The following RGS9 variants were observed in gnomAD, a reference collection of about 807,000 sequenced individuals.
RGS9 encodes regulator of G-protein signalling 9.
Under a neutral mutation model 102.0 loss-of-function variants are expected in RGS9, and 78 were observed. That is an observed-to-expected ratio of 0.76 (90% confidence interval 0.64 to 0.92). The LOEUF (loss-of-function observed/expected upper bound fraction) is 0.92, where lower values mean the gene tolerates loss of function less well. RGS9 is among the 40% of genes least tolerant of loss of function. The pLI, the probability that RGS9 is intolerant of heterozygous loss-of-function variation, is 0.00. For missense variants in RGS9, 833 were observed against 866.1 expected (o/e 0.96, Z 0.48); for synonymous variants, 353 against 318.6 (o/e 1.11, Z -1.15).
chr17:65,146,363 G>A (rs990164489), intron 1 of RGS9, among the ~76,000 whole-genome samples: 1 of 152,094 alleles, frequency 6.6e-6, no homozygotes, highest in Non-Finnish European at 1.5e-5. Flanking sequence ...GCCAAGGTGG[G>A]CGGATCACGA....
intron 16 of RGS9, among the ~76,000 whole-genome samples, chr17:65,209,458 G>C (rs988352583): frequency 2.0e-5 from 3 of 152,186 alleles, no homozygotes; most frequent in African/African-American, 7.2e-5. Context: ...GCAGGTCTTT[G>C]TCTCTTATTG....
chr17:65,211,207 G>A lies in RGS9; in HGVS notation c.1407+602G>A, dbSNP rs541371993. On this transcript the variant is annotated intron_variant, in intron 17 of 18. Coordinates refer to ENST00000262406, the MANE Select transcript of RGS9 (RefSeq NM_003835.4). ...TTCCAAATCATTCTGAGGATCCGCC[G>A]AGGGGCTAGTTGCAGGGAAGTACTT... Among the ~76,000 whole-genome samples the A allele has an allele frequency of 4.6e-5, 7 of 152,312 alleles. No individual in the cohort carries two copies. In the South Asian group the frequency reaches 1.2e-3, roughly 27 times the overall value.
intron 1 of RGS9, 111 bp from the exon 2 acceptor site, chr17:65,153,310 AC>A: frequency 2.2e-6 from 2 of 892,018 alleles, no homozygotes; most frequent in Non-Finnish European, 3.8e-6. Flanking sequence ...CAGATGGGGA[AC>A]CCCTGTGTCC....
chr17:65,138,224 G>A (rs1909987346), intron 1 of RGS9, among the ~76,000 whole-genome samples: 1 of 152,208 alleles, frequency 6.6e-6, no homozygotes, highest in African/African-American at 2.4e-5. Flanking sequence ...CACCTGTGGG[G>A]TGATGTGTTT....
At position 65,207,921 on chromosome 17, in the gene RGS9, G is replaced by A. The variant is rs776501006; in HGVS notation, c.1204-1G>A. The A allele has an allele frequency of 7.3e-5, 118 of 1,607,684 alleles. No individual in the cohort carries two copies. The highest frequency in any genetic ancestry group is 9.5e-5 in the Non-Finnish European group (112 of 1,174,784). On this transcript the variant is annotated splice_acceptor_variant, in intron 15 of 18. Coordinates refer to ENST00000262406, the MANE Select transcript of RGS9 (RefSeq NM_003835.4). LOFTEE classifies it high-confidence loss of function. ...TACTGTTGTTTTCTTGTTCCCACTA[G>A]GATTCTTATGCTCGCTATTTAAAAT...
At chr17:65,160,207 A>G (rs757132319) in intron 3 of RGS9, 26 bp from the exon 4 acceptor site, 18 of 1,559,626 alleles carry the variant, frequency 1.2e-5, no homozygotes, top group Non-Finnish European at 1.6e-5. Flanking sequence ...TGCTCTTAAC[A>G]TCCATGTCTG....
intron 7 of RGS9, among the ~76,000 whole-genome samples, chr17:65,165,544 C>A (rs1911144022): frequency 1.3e-5 from 2 of 152,170 alleles, no homozygotes; most frequent in South Asian, 4.1e-4. Context: ...TACTCAAGAT[C>A]TCATGTTGCT....
chr17:65,188,727 C>T, intron 9 of RGS9: 1 of 164,196 alleles, frequency 6.1e-6, no homozygotes, highest in Non-Finnish European at 1.3e-5. Context: ...ACCCTCTCAC[C>T]TCAGCCTCCC....
chr17:65,184,821 CTCT>C (rs146402932), intron 9 of RGS9, among the ~76,000 whole-genome samples: 43,571 of 146,918 alleles, frequency 0.3, 9,967 homozygotes, highest in African/African-American at 0.65. Context: ...TTTCCTCTCT[CTCT>C]CCTTCCTTCC....
chr17:65,225,501 G>A lies in RGS9; in HGVS notation c.1892+15G>A. 1 of 1,599,940 alleles carries A rather than the reference G, an allele frequency of 6.3e-7. No individual in the cohort carries two copies. Among genetic ancestry groups the A allele is most frequent in the Non-Finnish European group, 8.5e-7 (1 of 1,179,876 alleles). On this transcript the variant is annotated intron_variant, in intron 18 of 18. Coordinates refer to ENST00000262406, the MANE Select transcript of RGS9 (RefSeq NM_003835.4). Reference sequence around the variant, plus strand: ...AGAGTAGCAAAGTAAGAACCCGAAGGGGACGTGCCGTATGCATGGGTGGCT... The same window carrying A: ...AGAGTAGCAAAGTAAGAACCCGAAGAGGACGTGCCGTATGCATGGGTGGCT...
At chr17:65,164,773 T>C (rs1911114840) in intron 7 of RGS9, among the ~76,000 whole-genome samples, 1 of 152,148 alleles carries the variant, frequency 6.6e-6, no homozygotes. Context: ...CTGGGTACAT[T>C]TGAGGCGAAA....
rs940294216 is a variant in RGS9 at position 65,227,545 on chromosome 17, G to A, written c.*138G>A. On this transcript the variant is annotated 3_prime_UTR_variant, in exon 19 of 19. Coordinates refer to ENST00000262406, the MANE Select transcript of RGS9 (RefSeq NM_003835.4). Reference sequence around the variant, plus strand: ...TTTGAAGATTGGGGAGACAAGATGGGGTAGATTGTGGCAAAGAATGCTCTG... The same window carrying A: ...TTTGAAGATTGGGGAGACAAGATGGAGTAGATTGTGGCAAAGAATGCTCTG... 2 of 1,199,956 alleles carry A rather than the reference G, an allele frequency of 1.7e-6. No homozygotes were observed. Among genetic ancestry groups the A allele is most frequent in the African/African-American group, 1.5e-5 (1 of 66,214 alleles). The allele number at this position is 1,199,956 out of a possible 1,614,324, so 74.3% of individuals were successfully genotyped here. A position where few individuals can be genotyped will look rare whatever the true frequency, so the allele number is the denominator to read the frequency against.
intron 1 of RGS9, among the ~76,000 whole-genome samples, chr17:65,149,386 C>T (rs1910495192): frequency 6.6e-6 from 1 of 152,206 alleles, no homozygotes; most frequent in Admixed American, 6.5e-5. Flanking sequence ...TGAACTTTCT[C>T]TGCATTCAGA....
At chr17:65,171,242 T>A (rs1447408301) in intron 8 of RGS9, among the ~76,000 whole-genome samples, 1 of 152,186 alleles carries the variant, frequency 6.6e-6, no homozygotes, top group East Asian at 1.9e-4. Context: ...AGGGGTTAGG[T>A]GCTGGGTGTG....
rs116395890 is a variant in RGS9, at chr17:65,225,018, C to T, written c.1424C>T (p.Ala475Val). The T allele has an allele frequency of 8.4e-4, 1,358 of 1,613,974 alleles. 11 individuals carry two copies. The African/African-American group carries it at 0.016, about 20-fold the overall frequency. Residue 475 changes from alanine (A) to valine (V), a missense_variant, in exon 18 of 19, where the codon GCT becomes GTT. Transcript: ENST00000262406. ...TCTCTACAGCCGGGCCAGCACATGGCTCCCAGCCCCCATCTGACCGTGTAC... is the reference window on the plus strand; with the variant it reads ...TCTCTACAGCCGGGCCAGCACATGGTTCCCAGCCCCCATCTGACCGTGTAC... ...VDITQPGQHM[A>V]PSPHLTVYTG...
At chr17:65,139,432 G>A (rs560149182) in intron 1 of RGS9, among the ~76,000 whole-genome samples, 1 of 151,954 alleles carries the variant, frequency 6.6e-6, no homozygotes, top group Non-Finnish European at 1.5e-5. Flanking sequence ...CCAGGATTCC[G>A]CTCCCACCAT....
In RGS9 at chr17:65,220,640, A is replaced by T. The variant is rs144355607; in HGVS notation, c.1408-4362A>T. ...ACTTTGCACACTGCATGCTGCACCT[A>T]AATGTGGCCCTCTGCTCACCTTTCT... On this transcript the variant is annotated intron_variant, in intron 17 of 18. Coordinates refer to ENST00000262406, the MANE Select transcript of RGS9 (RefSeq NM_003835.4). Among the ~76,000 whole-genome samples the T allele has an allele frequency of 2.6e-5, 4 of 152,344 alleles. No individual in the cohort carries two copies. In the East Asian group the frequency reaches 7.7e-4, roughly 29 times the overall value.
intron 13 of RGS9, among the ~76,000 whole-genome samples, chr17:65,199,269 AAAAG>A (rs1912722023): frequency 6.6e-6 from 1 of 152,154 alleles, no homozygotes; most frequent in South Asian, 2.1e-4. Context: ...TGCCACATTA[AAAAG>A]AAACTCTTTA....
rs114398849 is a variant in RGS9, at chr17:65,211,639, C to T, written c.1407+1034C>T. 2.3e-3 allele frequency among the ~76,000 whole-genome samples: 352 copies of T among 152,182 alleles called. 1 individual carries two copies. The highest frequency in any genetic ancestry group is 7.9e-3 in the African/African-American group (329 of 41,518). Reference sequence around the variant, plus strand: ...CTTGGGGGGTTTAGAAGGTCATTCTCGAAGTTAGGCTCACTCCTTACACTT... The same window carrying T: ...CTTGGGGGGTTTAGAAGGTCATTCTTGAAGTTAGGCTCACTCCTTACACTT... On this transcript the variant is annotated intron_variant, in intron 17 of 18. Transcript: ENST00000262406.
Sources: allele counts gnomAD v4.1 joint callset (sites outside exome capture counted in the v4.1 genomes callset), GRCh38; gene constraint gnomAD v4.1.1; transcripts MANE v1.5; gene names NCBI Gene and HGNC (gene_info 2026-07-23, HGNC 2026-07-21).